The following SGCZ variants were observed in gnomAD, a reference collection of about 807,000 sequenced individuals.
SGCZ encodes the protein zeta-sarcoglycan.
In SGCZ, 40 loss-of-function variants were observed where a neutral mutation model predicts 41.3. The ratio of observed to expected loss-of-function variants is 0.97; its 90% CI spans 0.75 to 1.26. The LOEUF is 1.26. Ranked by LOEUF, SGCZ falls within the 50% of genes most tolerant of loss-of-function variation. The pLI is 0.00. For missense variants in SGCZ, 552 were observed against 369.8 expected (o/e 1.49, Z -4.04); for synonymous variants, 206 against 137.5 (o/e 1.50, Z -3.49).
At chr8:14,510,783 C>T (rs949494778) in intron 2 of SGCZ, among the ~76,000 whole-genome samples, 1 of 152,110 alleles carries the variant, frequency 6.6e-6, no homozygotes, top group Admixed American at 6.6e-5. Flanking sequence ...TCGCATTTTG[C>T]TCCTTTGAGT....
intron 1 of SGCZ, among the ~76,000 whole-genome samples, chr8:15,066,943 A>G (rs1805173054): frequency 6.6e-6 from 1 of 152,218 alleles, no homozygotes; most frequent in Non-Finnish European, 1.5e-5. Context: ...TATACATATC[A>G]TCTGTATTCA....
rs187475374 is a variant in SGCZ at position 14,190,459 on chromosome 8, A to G, written c.425-25757T>C. Among the ~76,000 whole-genome samples, 304 of 152,162 alleles carry G rather than the reference A, an allele frequency of 2.0e-3. 1 individual carries two copies. Among genetic ancestry groups the G allele is most frequent in the African/African-American group, 6.8e-3 (284 of 41,506 alleles). On this transcript the variant is annotated intron_variant, in intron 4 of 7. Coordinates refer to ENST00000382080, the MANE Select transcript of SGCZ (RefSeq NM_139167.4). The stretch of plus-strand genomic sequence containing the variant: ...GATACGTCTATCAACAGACACTTCC[A>G]ATGTTTTAATATCACAATTCAATAG...
intron 1 of SGCZ, among the ~76,000 whole-genome samples, chr8:15,068,876 A>G (rs988731229): frequency 6.6e-6 from 1 of 152,188 alleles, no homozygotes; most frequent in Admixed American, 6.6e-5. Context: ...TTTGAGTCCA[A>G]CATTTCTGTA....
chr8:14,952,632 G>T (rs1042621680), intron 1 of SGCZ, among the ~76,000 whole-genome samples: 7 of 152,152 alleles, frequency 4.6e-5, no homozygotes, highest in African/African-American at 1.4e-4. Context: ...TGGCCAGGAT[G>T]AAGGATGGTT....
chr8:14,201,303 CA>C, intron 4 of SGCZ, among the ~76,000 whole-genome samples: 1 of 152,004 alleles, frequency 6.6e-6, no homozygotes, highest in Non-Finnish European at 1.5e-5. Flanking sequence ...CTAATGTTCA[CA>C]AAAAAAGCCT....
chr8:14,310,945 C>A (rs1187706941), intron 3 of SGCZ, among the ~76,000 whole-genome samples: 1 of 151,986 alleles, frequency 6.6e-6, no homozygotes, highest in Non-Finnish European at 1.5e-5. Flanking sequence ...TCTGTGTACC[C>A]CGTGGAAAAT....
rs532037053 is a variant in SGCZ, at chr8:14,515,971, G to C, written c.234+38761C>G. Among the ~76,000 whole-genome samples the C allele has an allele frequency of 2.6e-5, 4 of 151,854 alleles. No individual in the cohort carries two copies. In the South Asian group the frequency reaches 8.3e-4, roughly 32 times the overall value. ...GCAATACCTTGTTGGAAATAACTTA[G>C]TAAGCAATAATTAGGAAGAAATAGT... On this transcript the variant is annotated intron_variant, in intron 2 of 7. Coordinates refer to ENST00000382080, the MANE Select transcript of SGCZ (RefSeq NM_139167.4).
chr8:14,812,320 A>T (rs1274306556), intron 1 of SGCZ, among the ~76,000 whole-genome samples: 1 of 152,102 alleles, frequency 6.6e-6, no homozygotes, highest in East Asian at 1.9e-4. Context: ...GCTAAAAGGA[A>T]CAAAGATATA....
At chr8:14,193,385 G>C (rs118036067) in intron 4 of SGCZ, among the ~76,000 whole-genome samples, 2 of 151,338 alleles carry the variant, frequency 1.3e-5, no homozygotes, top group African/African-American at 4.8e-5. Flanking sequence ...AGTTGAATGA[G>C]TGAGAGAATA....
intron 1 of SGCZ, among the ~76,000 whole-genome samples, chr8:14,986,523 T>C: frequency 6.6e-6 from 1 of 152,134 alleles, no homozygotes; most frequent in Non-Finnish European, 1.5e-5. Context: ...TGGTAAAGTA[T>C]TTGATCTTAG....
chr8:14,277,924 C>G (rs959845362), intron 3 of SGCZ, among the ~76,000 whole-genome samples: 11 of 151,966 alleles, frequency 7.2e-5, no homozygotes, highest in African/African-American at 2.7e-4. Context: ...GAAAAAGAGA[C>G]AGAGAGAGAG....
chr8:14,956,562 G>A (rs532017740), intron 1 of SGCZ, among the ~76,000 whole-genome samples: 1 of 151,950 alleles, frequency 6.6e-6, no homozygotes, highest in Non-Finnish European at 1.5e-5. Flanking sequence ...TGCATACAAT[G>A]TCTTATAAGA....
chr8:14,301,046 T>C (rs1801167790), intron 3 of SGCZ, among the ~76,000 whole-genome samples: 1 of 142,444 alleles, frequency 7.0e-6, no homozygotes, highest in Non-Finnish European at 1.5e-5. Context: ...AGAATTGACT[T>C]AGAAACACAA....
intron 1 of SGCZ, among the ~76,000 whole-genome samples, chr8:14,923,859 C>A (rs1329462934): frequency 2.6e-5 from 4 of 152,138 alleles, no homozygotes; most frequent in Admixed American, 2.0e-4. Flanking sequence ...TGTAGGGATC[C>A]ATTGAGAACC....
rs114783178 is a variant in SGCZ, at chr8:14,944,117, T to A, written c.39+293468A>T. On this transcript the variant is annotated intron_variant, in intron 1 of 7. Coordinates refer to ENST00000382080, the MANE Select transcript of SGCZ (RefSeq NM_139167.4). The stretch of plus-strand genomic sequence containing the variant: ...AATAATTCAACGTCTAACTTAGCCA[T>A]CCTCTCCCCGCTTCATTCGAATCAT... Among the ~76,000 whole-genome samples, 390 of 152,264 alleles carry A rather than the reference T, an allele frequency of 2.6e-3. 2 individuals carry two copies. The highest frequency in any genetic ancestry group is 9.1e-3 in the African/African-American group (378 of 41,550).
At chr8:14,091,940 T>C (rs1035451856) in intron 7 of SGCZ, among the ~76,000 whole-genome samples, 1 of 152,318 alleles carries the variant, frequency 6.6e-6, no homozygotes, top group East Asian at 1.9e-4. Context: ...CTAGGGTTTT[T>C]ACAGTTTTAG....
intron 1 of SGCZ, among the ~76,000 whole-genome samples, chr8:14,634,175 C>T (rs899273128): frequency 6.6e-6 from 1 of 151,754 alleles, no homozygotes; most frequent in Admixed American, 6.6e-5. Context: ...ATTTTATTCT[C>T]CACTTCCAAT....
intron 1 of SGCZ, among the ~76,000 whole-genome samples, chr8:15,065,699 A>G (rs2131018814): frequency 6.6e-6 from 1 of 152,084 alleles, no homozygotes; most frequent in East Asian, 1.9e-4. Flanking sequence ...TCAGTCTCCC[A>G]AAGTCCTGGG....
chr8:14,947,481 T>A lies in SGCZ; in HGVS notation c.39+290104A>T, dbSNP rs1350665283. Among the ~76,000 whole-genome samples the A allele has an allele frequency of 2.0e-5, 3 of 152,172 alleles. No homozygotes were observed. The East Asian group carries it at 5.8e-4, about 29-fold the overall frequency. Reference sequence around the variant, plus strand: ...AAAGCGCTCAGTCTCTGATCCTTTATAAAAGATGCTCTGCTACTGGAAAAG... The same window carrying A: ...AAAGCGCTCAGTCTCTGATCCTTTAAAAAAGATGCTCTGCTACTGGAAAAG... On this transcript the variant is annotated intron_variant, in intron 1 of 7. Transcript: ENST00000382080.
Sources: allele counts gnomAD v4.1 joint callset (sites outside exome capture counted in the v4.1 genomes callset), GRCh38; gene constraint gnomAD v4.1.1; transcripts MANE v1.5; gene names NCBI Gene and HGNC (gene_info 2026-07-23, HGNC 2026-07-21).